The following PTPRA variants were observed in gnomAD, a reference collection of about 807,000 sequenced individuals.
The protein encoded by PTPRA is protein tyrosine phosphatase receptor type A, also known as receptor-type tyrosine-protein phosphatase alpha.
Under a neutral mutation model 104.8 loss-of-function variants are expected in PTPRA, and 25 were observed. The ratio of observed to expected loss-of-function variants is 0.24; its 90% CI spans 0.17 to 0.33. The LOEUF is 0.33. Ranked by LOEUF, PTPRA falls within the 10% of genes least tolerant of loss-of-function variation. The pLI, the probability that PTPRA is intolerant of heterozygous loss-of-function variation, is 1.00. For synonymous variants in PTPRA, 323 were observed against 368.9 expected, an observed-to-expected ratio of 0.88 and a Z score of 1.43; for missense variants, 765 against 1,015.3, an observed-to-expected ratio of 0.75 and a Z score of 3.35.
chr20:2,957,045 G>A (rs1331502200), intron 3 of PTPRA, among the ~76,000 whole-genome samples: 1 of 152,182 alleles, frequency 6.6e-6, no homozygotes, highest in Non-Finnish European at 1.5e-5. Flanking sequence ...CAGCACTTTG[G>A]GAGGCTGAGG....
intron 5 of PTPRA, among the ~76,000 whole-genome samples, chr20:2,967,639 T>C (rs1040263643): frequency 6.6e-6 from 1 of 152,174 alleles, no homozygotes; most frequent in African/African-American, 2.4e-5. Flanking sequence ...GGTGGACAGA[T>C]CACTTGAGCT....
At chr20:3,002,732 TACAATA>T (rs2148275179) in intron 9 of PTPRA, among the ~76,000 whole-genome samples, 1 of 152,350 alleles carries the variant, frequency 6.6e-6, no homozygotes, top group South Asian at 2.1e-4. Flanking sequence ...CCATTTTCCA[TACAATA>T]ACAAGTAATT....
intron 2 of PTPRA, among the ~76,000 whole-genome samples, chr20:2,945,847 C>G (rs1007035340): frequency 6.6e-6 from 1 of 151,642 alleles, no homozygotes; most frequent in African/African-American, 2.4e-5. Context: ...GACAGTCACT[C>G]AAGCCCGGGA....
At chr20:2,882,535 A>G (rs957012465) in intron 1 of PTPRA, among the ~76,000 whole-genome samples, 16 of 151,758 alleles carry the variant, frequency 1.1e-4, no homozygotes, top group Non-Finnish European at 4.4e-5. Flanking sequence ...CAAGCAATCC[A>G]CCTGCCAAAA....
chr20:2,926,303 G>A (rs957950773), intron 2 of PTPRA, among the ~76,000 whole-genome samples: 6 of 152,212 alleles, frequency 3.9e-5, no homozygotes, highest in African/African-American at 1.4e-4. Context: ...TTGGAGGCTA[G>A]AAGTCTTGCG....
At chr20:3,010,560 G>A (rs993019745) in intron 11 of PTPRA, among the ~76,000 whole-genome samples, 11 of 152,028 alleles carry the variant, frequency 7.2e-5, no homozygotes, top group African/African-American at 1.2e-4. Context: ...CCTGGGAGGC[G>A]GAGCTTGCAG....
intron 6 of PTPRA, among the ~76,000 whole-genome samples, chr20:2,983,776 C>T (rs1392683971): frequency 6.6e-6 from 1 of 151,818 alleles, no homozygotes; most frequent in Non-Finnish European, 1.5e-5. Context: ...GCTTGTGTTG[C>T]CTATGAAATT....
rs569303452 is a variant in PTPRA, at chr20:2,922,530, G to C, written c.-128-677G>C. Among the ~76,000 whole-genome samples the C allele has an allele frequency of 8.5e-4, 129 of 152,196 alleles. 1 individual carries two copies. Among genetic ancestry groups the C allele is most frequent in the African/African-American group, 3.0e-3 (124 of 41,512 alleles). On this transcript the variant is annotated intron_variant, in intron 1 of 23. Transcript: ENST00000399903. ...AATTTTTGTATTTTTGGTAGAGACGGGGTTTCACCATGTTGGCCAGGCTGG... is the reference window on the plus strand; with the variant it reads ...AATTTTTGTATTTTTGGTAGAGACGCGGTTTCACCATGTTGGCCAGGCTGG...
intron 2 of PTPRA, among the ~76,000 whole-genome samples, chr20:2,931,518 G>T (rs2060503485): frequency 6.6e-6 from 1 of 152,166 alleles, no homozygotes; most frequent in African/African-American, 2.4e-5. Flanking sequence ...AAAACCCTTT[G>T]TTTTGATTTG....
chr20:2,966,075 G>T (rs2061934690), intron 5 of PTPRA, among the ~76,000 whole-genome samples: 3 of 152,158 alleles, frequency 2.0e-5, no homozygotes, highest in Admixed American at 1.3e-4. Flanking sequence ...CGCTCATGTG[G>T]AACATTCAGG....
intron 11 of PTPRA, among the ~76,000 whole-genome samples, chr20:3,013,058 C>A (rs2064253038): frequency 6.6e-6 from 1 of 152,152 alleles, no homozygotes; most frequent in South Asian, 2.1e-4. Context: ...AAAAGAAGAA[C>A]CTTACACTCT....
chr20:3,027,161 A>C lies in PTPRA; in HGVS notation c.1749A>C (p.Glu583Asp). Residue 583 changes from glutamate to aspartate, a missense_variant, in exon 19 of 24, where the codon GAA (glutamate) becomes GAC (aspartate). This residue lies in a region of PTPRA where 192 missense variants were observed against 227.0 expected (regional missense o/e 0.85). Transcript: ENST00000399903. The part of the protein sequence containing the change: ...NRVIIPVKRG[E>D]ENTDYVNASF... ...TGATCATTCCAGTTAAGCGGGGCGA[A>C]GAGAATACAGACTATGTGAACGCAT... 1 of 1,614,170 alleles carries C rather than the reference A, an allele frequency of 6.2e-7. No individual in the cohort carries two copies. Among genetic ancestry groups the C allele is most frequent in the South Asian group, 1.1e-5 (1 of 91,080 alleles).
the PTPRA span, chr20:2,866,257 A>G: frequency 6.2e-7 from 1 of 1,614,170 alleles, no homozygotes; most frequent in South Asian, 1.1e-5. Flanking sequence ...ATACGAAGCC[A>G]AGAAGTATGC....
rs1490768373 is a variant in PTPRA at position 2,950,996 on chromosome 20, T to C, written c.-7+2972T>C. Among the ~76,000 whole-genome samples, 1 of 152,216 alleles carries C rather than the reference T, an allele frequency of 6.6e-6. No individual in the cohort carries two copies. The highest frequency in any genetic ancestry group is 1.9e-4 in the East Asian group (1 of 5,202). ...CCTCATCCTTAAGCAACCATTGGTC[T>C]GTTTTCTGCCACTATAGATTAGATT... On this transcript the variant is annotated intron_variant, in intron 3 of 23. Transcript: ENST00000399903. This position sits in a 1 kb window ranked among gnomAD's most constrained non-coding sequence, Gnocchi z 4.0.
In PTPRA at chr20:3,033,668, G is replaced by A. The variant is rs138214601; in HGVS notation, c.1921-1917G>A. ...TGTAATCCCAGCACTTTGGGAGGCCGAGGCGGGTGGATCACCTGAGGTCGG... is the reference window on the plus strand; with the variant it reads ...TGTAATCCCAGCACTTTGGGAGGCCAAGGCGGGTGGATCACCTGAGGTCGG... On this transcript the variant is annotated intron_variant, in intron 20 of 23. Transcript: ENST00000399903. Among the ~76,000 whole-genome samples, 973 of 152,032 alleles carry A rather than the reference G, an allele frequency of 6.4e-3. 12 individuals are homozygous for A. The highest frequency in any genetic ancestry group is 0.022 in the African/African-American group (927 of 41,350).
intron 10 of PTPRA, among the ~76,000 whole-genome samples, chr20:3,006,409 C>T (rs1405304070): frequency 2.0e-5 from 3 of 152,140 alleles, no homozygotes; most frequent in African/African-American, 7.2e-5. Flanking sequence ...AAACTCTTGG[C>T]CTCAAGCAGT....
At chr20:3,014,473 A>G (rs935437011) in intron 11 of PTPRA, among the ~76,000 whole-genome samples, 2 of 152,082 alleles carry the variant, frequency 1.3e-5, no homozygotes, top group Non-Finnish European at 2.9e-5. Context: ...CCCCATCTCT[A>G]ATTTTTGTAA....
At chr20:2,875,322 A>G (rs1273990300) in intron 1 of PTPRA, among the ~76,000 whole-genome samples, 2 of 152,140 alleles carry the variant, frequency 1.3e-5, no homozygotes, top group Non-Finnish European at 2.9e-5. Context: ...CTGTCTCTGA[A>G]AGACTAAAAG....
At chr20:3,016,577 G>A (rs768614405) in intron 12 of PTPRA, among the ~76,000 whole-genome samples, 13 of 152,124 alleles carry the variant, frequency 8.5e-5, no homozygotes, top group African/African-American at 1.4e-4. Flanking sequence ...GTGAAACCCC[G>A]TCTCTACTAA....
Sources: allele counts gnomAD v4.1 joint callset (sites outside exome capture counted in the v4.1 genomes callset), GRCh38; gene constraint gnomAD v4.1.1; regional missense constraint gnomAD v4.1.1; non-coding constraint Gnocchi (gnomAD v3.1); transcripts MANE v1.5; gene names NCBI Gene and HGNC (gene_info 2026-07-23, HGNC 2026-07-21).